The following RHD variants were observed in gnomAD, a reference collection of about 807,000 sequenced individuals.
RHD encodes the protein Rh blood group D antigen.
In RHD, 16 loss-of-function variants were observed where a neutral mutation model predicts 45.5. That is an observed-to-expected ratio of 0.35 (90% CI 0.24 to 0.53). The LOEUF (loss-of-function observed/expected upper bound fraction) is 0.53, where lower values mean the gene tolerates loss of function less well. Among genes scored for constraint, RHD ranks in the 20% least tolerant of loss-of-function variants. The pLI, the probability that RHD is intolerant of heterozygous loss-of-function variation, is 0.92. For missense variants in RHD, 306 were observed against 532.0 expected, an observed-to-expected ratio of 0.58 and a Z score of 4.18; for synonymous variants, 131 against 217.5, an observed-to-expected ratio of 0.60 and a Z score of 3.50.
At chr1:25,281,659 C>T (rs1396694118) in intron 1 of RHD, among the ~76,000 whole-genome samples, 1 of 130,904 alleles carries the variant, frequency 7.6e-6, no homozygotes, top group African/African-American at 2.6e-5. Flanking sequence ...CCACACACCC[C>T]CATTCCTAAG....
chr1:25,292,132 A>C (rs1263036062), intron 3 of RHD, among the ~76,000 whole-genome samples: 1 of 131,984 alleles, frequency 7.6e-6, no homozygotes, highest in East Asian at 1.9e-4. Context: ...TAGGGTTTTG[A>C]GGGAGTAATT....
chr1:25,312,415 C>A (rs1342506032), intron 7 of RHD, among the ~76,000 whole-genome samples: 1 of 112,928 alleles, frequency 8.9e-6, no homozygotes, highest in South Asian at 2.8e-4. Flanking sequence ...AGACCATGGA[C>A]TTTGGAATTT....
intron 7 of RHD, among the ~76,000 whole-genome samples, chr1:25,312,620 T>C (rs959436088): frequency 1.6e-5 from 2 of 129,006 alleles, no homozygotes; most frequent in African/African-American, 5.3e-5. Context: ...TATTGTGGCA[T>C]ATACCTGTAA....
intron 7 of RHD, among the ~76,000 whole-genome samples, chr1:25,311,168 A>G (rs547024359): frequency 7.6e-6 from 1 of 132,124 alleles, no homozygotes; most frequent in East Asian, 2.0e-4. Context: ...ATAGAACTGA[A>G]GAACCACGTG....
At position 25,310,351 on chromosome 1, in the gene RHD, G is replaced by A. The variant is rs1271948008; in HGVS notation, c.1073+3622G>A. Among the ~76,000 whole-genome samples, 4 of 133,070 alleles carry A rather than the reference G, an allele frequency of 3.0e-5. 1 individual carries two copies. The highest frequency in any genetic ancestry group is 7.2e-5 in the Non-Finnish European group (4 of 55,930). The allele number at this position is 133,070 out of a possible 152,430, so 87.3% of individuals were successfully genotyped here. On this transcript the variant is annotated intron_variant, in intron 7 of 9. Transcript: ENST00000328664. ...CTTATAAGAAGAGAAAGAGAAATCT[G>A]AGCTGGCATGCTCTTGCCCTCTCAC...
rs1419332158 is a variant in RHD at position 25,276,680 on chromosome 1, C to G, written c.148+3985C>G. Among the ~76,000 whole-genome samples the G allele has an allele frequency of 1.5e-5, 2 of 130,534 alleles. 1 individual carries two copies. The highest frequency in any genetic ancestry group is 3.6e-5 in the Non-Finnish European group (2 of 55,516). 85.6% of individuals were successfully genotyped at this position (130,534 alleles called of 152,430 possible). A position where few individuals can be genotyped will look rare whatever the true frequency, so the allele number is the denominator to read the frequency against. On this transcript the variant is annotated intron_variant, in intron 1 of 9. Coordinates refer to ENST00000328664, the MANE Select transcript of RHD (RefSeq NM_016124.6). ...AGTGGGACGGGATTGTACCACTTCA[C>G]TCCAGCATGGGCGACAGAGCAAGAC...
chr1:25,280,318 T>A (rs530795141), intron 1 of RHD, among the ~76,000 whole-genome samples: 1,970 of 124,608 alleles, frequency 0.016, 354 homozygotes, highest in African/African-American at 0.052. Flanking sequence ...CTTTTTTTTT[T>A]TTTTTGAGCT....
intron 9 of RHD, among the ~76,000 whole-genome samples, chr1:25,324,603 T>C (rs1393456411): frequency 2.0e-5 from 3 of 151,884 alleles, no homozygotes; most frequent in East Asian, 1.9e-4. Context: ...GCCACATGAA[T>C]GTGAAAGTTT....
Position 25,330,167 on chromosome 1 carries a change from T to C in RHD, c.*1243T>C, listed in dbSNP as rs1345043699. 1 of 132,614 alleles carries C rather than the reference T, an allele frequency of 7.5e-6. No individual in the cohort carries two copies. The highest frequency in any genetic ancestry group is 2.6e-5 in the African/African-American group (1 of 38,814). The allele number at this position is 132,614 out of a possible 1,614,324, so 8.2% of individuals were successfully genotyped here. On this transcript the variant is annotated 3_prime_UTR_variant, in exon 10 of 10. Coordinates refer to ENST00000328664, the MANE Select transcript of RHD (RefSeq NM_016124.6). ...TGATTGCATATGCATCCCAAGATTA[T>C]ATTATTGTTTTCTACTGCTATGTGT...
At chr1:25,301,159 G>T (rs1248930002) in intron 4 of RHD, 66 bp downstream of exon 4, 2 of 1,311,836 alleles carry the variant, frequency 1.5e-6, no homozygotes, top group East Asian at 4.5e-5. Flanking sequence ...AAAAGGCTCT[G>T]GCTGAAAAAA....
intron 3 of RHD, among the ~76,000 whole-genome samples, chr1:25,299,816 C>T (rs1643241951): frequency 7.6e-6 from 1 of 131,830 alleles, no homozygotes; most frequent in Admixed American, 7.4e-5. Flanking sequence ...GTGGCGACAT[C>T]TCAGCTCACT....
In RHD at chr1:25,329,583, C is replaced by A. The variant is rs1258639782; in HGVS notation, c.*659C>A. ...ACAGATAACAGTGTGCTCATAGAAA[C>A]TGCTTTGACATGACTGCAATCATGT... On this transcript the variant is annotated 3_prime_UTR_variant, in exon 10 of 10. Coordinates refer to ENST00000328664, the MANE Select transcript of RHD (RefSeq NM_016124.6). The A allele has an allele frequency of 2.7e-5, 4 of 150,036 alleles. 1 individual carries two copies. The highest frequency in any genetic ancestry group is 6.2e-5 in the Non-Finnish European group (4 of 64,978). The allele number at this position is 150,036 out of a possible 1,614,324, so 9.3% of individuals were successfully genotyped here.
chr1:25,314,279 A>G (rs1336808601), intron 7 of RHD, among the ~76,000 whole-genome samples: 2 of 132,714 alleles, frequency 1.5e-5, no homozygotes, highest in African/African-American at 5.1e-5. Flanking sequence ...TCATTTAGCA[A>G]TCAAACCTAT....
intron 7 of RHD, among the ~76,000 whole-genome samples, chr1:25,315,145 A>G (rs1644370718): frequency 7.8e-6 from 1 of 128,042 alleles, no homozygotes; most frequent in Admixed American, 7.6e-5. Flanking sequence ...ACACAGCAAG[A>G]CTCCATCTCA....
Position 25,320,487 on chromosome 1 carries a change from C to T in RHD, c.1154-1402C>T, listed in dbSNP as rs1365418344. Among the ~76,000 whole-genome samples the T allele has an allele frequency of 1.1e-4, 14 of 132,252 alleles. 4 individuals carry two copies. The highest frequency in any genetic ancestry group is 2.2e-4 in the Non-Finnish European group (12 of 55,802). The allele number at this position is 132,252 out of a possible 152,430, so 86.8% of individuals were successfully genotyped here. On this transcript the variant is annotated intron_variant, in intron 8 of 9. Coordinates refer to ENST00000328664, the MANE Select transcript of RHD (RefSeq NM_016124.6). ...GTTACTGAGTAATTCAAGCTAACTG[C>T]GTCATGCTGGTTGTACCCTGCATGC...
chr1:25,283,901 C>T (rs187284043), intron 1 of RHD, among the ~76,000 whole-genome samples: 2 of 134,248 alleles, frequency 1.5e-5, no homozygotes, highest in East Asian at 3.9e-4. Context: ...CCCCTCCCTG[C>T]CCTCAGGTGC....
chr1:25,273,266 G>A lies in RHD; in HGVS notation c.148+571G>A, dbSNP rs1207191874. Among the ~76,000 whole-genome samples the A allele has an allele frequency of 2.5e-4, 32 of 125,694 alleles. 3 individuals are homozygous for A. The highest frequency in any genetic ancestry group is 8.1e-4 in the African/African-American group (30 of 37,098). The allele number at this position is 125,694 out of a possible 152,430, so 82.5% of individuals were successfully genotyped here. ...TCTTCCCACCTCAGCCTCCCAAGAA[G>A]CTGGGACCACAGGAGGGCACCACCA... On this transcript the variant is annotated intron_variant, in intron 1 of 9. Transcript: ENST00000328664.
chr1:25,292,729 A>G (rs1642622600), intron 3 of RHD, among the ~76,000 whole-genome samples: 1 of 126,064 alleles, frequency 7.9e-6, no homozygotes, highest in Admixed American at 7.8e-5. Flanking sequence ...AGCTTAGTGG[A>G]AAGGTTAGGG....
intron 7 of RHD, among the ~76,000 whole-genome samples, chr1:25,312,901 T>C (rs1425595830): frequency 7.6e-5 from 3 of 39,522 alleles, no homozygotes; most frequent in Non-Finnish European, 1.1e-4. Context: ...GCCTGGATGA[T>C]AGAGCAAAAT....
Sources: allele counts gnomAD v4.1 joint callset (sites outside exome capture counted in the v4.1 genomes callset), GRCh38; gene constraint gnomAD v4.1.1; transcripts MANE v1.5; gene names NCBI Gene and HGNC (gene_info 2026-07-23, HGNC 2026-07-21).